Variants in ARHGAP26 observed in about 807,000 individuals in gnomAD.
ARHGAP26 encodes Rho GTPase activating protein 26, also known as rho GTPase-activating protein 26.
Under a neutral mutation model 104.8 loss-of-function variants are expected in ARHGAP26, and 38 were observed. That is an observed-to-expected ratio of 0.36 (90% confidence interval 0.28 to 0.48). The LOEUF is 0.48. ARHGAP26 is among the 20% of genes least tolerant of loss of function. The probability of loss-of-function intolerance (pLI) is 0.99; values close to 1 mark genes in which losing one functional copy is unlikely to be tolerated. For missense variants in ARHGAP26, 704 were observed against 947.9 expected, an observed-to-expected ratio of 0.74 and a Z score of 3.38; for synonymous variants, 341 against 340.0, an observed-to-expected ratio of 1.00 and a Z score of -0.03.
At chr5:143,057,174 A>C (rs1035731672) in intron 16 of ARHGAP26, among the ~76,000 whole-genome samples, 1 of 152,220 alleles carries the variant, frequency 6.6e-6, no homozygotes, top group African/African-American at 2.4e-5. Flanking sequence ...TGACTTGAGG[A>C]TACTGGACAT....
At chr5:142,782,279 G>T (rs145564131) in intron 1 of ARHGAP26, among the ~76,000 whole-genome samples, 1,684 of 152,292 alleles carry the variant, frequency 0.011, 30 homozygotes, top group African/African-American at 0.039. Flanking sequence ...GGAAGCACAA[G>T]TCTGGAACTC....
chr5:143,008,860 C>G (rs1486368719), intron 11 of ARHGAP26, among the ~76,000 whole-genome samples: 1 of 152,140 alleles, frequency 6.6e-6, no homozygotes, highest in Admixed American at 6.6e-5. Flanking sequence ...ATCCAGATGA[C>G]TCTGTGTATT....
At chr5:142,934,765 ATT>A (rs200889210) in intron 11 of ARHGAP26, among the ~76,000 whole-genome samples, 9 of 133,294 alleles carry the variant, frequency 6.8e-5, no homozygotes, top group Admixed American at 7.4e-5. Flanking sequence ...GTGTTGGTGG[ATT>A]TTTTTTTTTT....
chr5:143,106,367 C>T (rs917131426), intron 17 of ARHGAP26, among the ~76,000 whole-genome samples: 1 of 150,580 alleles, frequency 6.6e-6, no homozygotes, highest in African/African-American at 2.4e-5. Context: ...ATGGTGGCAA[C>T]GATTGCACAG....
At chr5:143,165,284 G>A (rs1299560117) in intron 20 of ARHGAP26, 2 of 152,244 alleles carry the variant, frequency 1.3e-5, no homozygotes, top group African/African-American at 2.4e-5. Context: ...TACAGGTTGG[G>A]GTTTTTGGAG....
intron 1 of ARHGAP26, among the ~76,000 whole-genome samples, chr5:142,782,487 G>C (rs1327069886): frequency 2.0e-5 from 3 of 152,102 alleles, no homozygotes; most frequent in Non-Finnish European, 2.9e-5. Context: ...TCTGGGCATG[G>C]GACATTTTAA....
At chr5:142,860,291 C>T (rs571046445) in intron 1 of ARHGAP26, 46 of 152,354 alleles carry the variant, frequency 3.0e-4, no homozygotes, top group Admixed American at 1.1e-3. Context: ...CCCATGAAGC[C>T]GCCCTGCCTA....
At chr5:142,808,696 C>G (rs1763507695) in intron 1 of ARHGAP26, among the ~76,000 whole-genome samples, 1 of 152,122 alleles carries the variant, frequency 6.6e-6, no homozygotes, top group Non-Finnish European at 1.5e-5. Context: ...CCCCTCCCAG[C>G]TGGTGGTCGA....
intron 11 of ARHGAP26, among the ~76,000 whole-genome samples, chr5:142,938,183 G>A (rs1244158353): frequency 6.6e-6 from 1 of 152,074 alleles, no homozygotes. Context: ...GGATTATGGG[G>A]GGGGAAGTAG....
intron 20 of ARHGAP26, among the ~76,000 whole-genome samples, chr5:143,199,483 T>A (rs937139281): frequency 6.6e-6 from 1 of 152,198 alleles, no homozygotes; most frequent in Admixed American, 6.5e-5. Flanking sequence ...AAAGGGATAT[T>A]TTCCAAGGAA....
chr5:142,839,124 G>A (rs1303228878), intron 1 of ARHGAP26, among the ~76,000 whole-genome samples: 3 of 152,314 alleles, frequency 2.0e-5, no homozygotes, highest in South Asian at 4.1e-4. Context: ...CGATTCTTAT[G>A]TATTTTATAA....
intron 5 of ARHGAP26, among the ~76,000 whole-genome samples, chr5:142,887,366 G>A (rs1292157031): frequency 6.6e-6 from 1 of 152,112 alleles, no homozygotes; most frequent in Non-Finnish European, 1.5e-5. Context: ...TCCTTTATTT[G>A]TTAAATACTC....
intron 17 of ARHGAP26, among the ~76,000 whole-genome samples, chr5:143,063,099 C>T (rs765596493): frequency 1.3e-5 from 2 of 152,178 alleles, no homozygotes; most frequent in African/African-American, 2.4e-5. Context: ...ATTGCTTGGC[C>T]GCTGGGCCAC....
intron 1 of ARHGAP26, among the ~76,000 whole-genome samples, chr5:142,796,567 T>C (rs1761024093): frequency 6.6e-6 from 1 of 152,244 alleles, no homozygotes; most frequent in Non-Finnish European, 1.5e-5. Context: ...CACCTTCTGC[T>C]TTCACTAAAA....
Position 143,154,452 on chromosome 5 carries a change from A to G in ARHGAP26, c.1988+7071A>G, listed in dbSNP as rs258802. ...ATTTTAGTACTGTGTATGGCAATTA[A>G]TAGTATTATTTTGGAGGGCTCCCCC... is the stretch of plus-strand genomic sequence containing the variant. On this transcript the variant is annotated intron_variant, in intron 20 of 22. Coordinates refer to ENST00000645722, the MANE Select transcript of ARHGAP26 (RefSeq NM_001135608.3). 2.6e-4 allele frequency among the ~76,000 whole-genome samples: 40 copies of G among 152,142 alleles called. No homozygotes were observed. In the East Asian group the frequency reaches 7.7e-3, roughly 29 times the overall value.
At chr5:143,212,971 CT>C (rs1364532389) in intron 21 of ARHGAP26, among the ~76,000 whole-genome samples, 1 of 152,172 alleles carries the variant, frequency 6.6e-6, no homozygotes, top group African/African-American at 2.4e-5. Flanking sequence ...CGGTGAAACC[CT>C]GTCTCTACTA....
rs144035316 is a variant in ARHGAP26 at position 143,004,474 on chromosome 5, G to A, written c.1108-9606G>A. 4.9e-3 allele frequency among the ~76,000 whole-genome samples: 751 copies of A among 152,294 alleles called. 4 individuals carry two copies. Among genetic ancestry groups the A allele is most frequent in the African/African-American group, 0.017 (702 of 41,558 alleles). Reference sequence around the variant, plus strand: ...ACAATGATTAAACCCCAAATGCAGCGAAATTAATCAGCCCAGGAATGCCCG... The same window carrying A: ...ACAATGATTAAACCCCAAATGCAGCAAAATTAATCAGCCCAGGAATGCCCG... On this transcript the variant is annotated intron_variant, in intron 11 of 22. Transcript: ENST00000645722.
At chr5:143,074,011 A>G (rs1289671054) in intron 17 of ARHGAP26, among the ~76,000 whole-genome samples, 1 of 152,156 alleles carries the variant, frequency 6.6e-6, no homozygotes, top group Non-Finnish European at 1.5e-5. Context: ...TTGCATTTTT[A>G]CTGGAGAGTA....
chr5:142,859,161 C>T (rs145809449), intron 1 of ARHGAP26, among the ~76,000 whole-genome samples: 1 of 152,116 alleles, frequency 6.6e-6, no homozygotes, highest in Non-Finnish European at 1.5e-5. Context: ...TTGTTCTGGG[C>T]AGCTGAGTGA....
Sources: allele counts gnomAD v4.1 joint callset (sites outside exome capture counted in the v4.1 genomes callset), GRCh38; gene constraint gnomAD v4.1.1; transcripts MANE v1.5; gene names NCBI Gene and HGNC (gene_info 2026-07-23, HGNC 2026-07-21).